The following CNTN4 variants were observed in gnomAD, a reference collection of about 807,000 sequenced individuals.
CNTN4 encodes the protein contactin-4.
A neutral mutation model predicts 122.5 loss-of-function variants in CNTN4; 77 were observed. That is an observed-to-expected ratio of 0.63 (90% CI 0.52 to 0.76). The LOEUF is 0.76. Among genes scored for constraint, CNTN4 ranks in the 30% least tolerant of loss-of-function variants. CNTN4 has a pLI of 0.00. For synonymous variants in CNTN4, 512 were observed against 447.0 expected (o/e 1.15, Z -1.83); for missense variants, 1,256 against 1,259.1 (o/e 1.00, Z 0.04).
At chr3:2,819,126 A>G (rs1331476097) in intron 6 of CNTN4, among the ~76,000 whole-genome samples, 10 of 152,246 alleles carry the variant, frequency 6.6e-5, no homozygotes, top group Admixed American at 6.5e-4. Flanking sequence ...ATGTCCTGGC[A>G]TGATGGAAGT....
intron 6 of CNTN4, among the ~76,000 whole-genome samples, chr3:2,780,710 C>G (rs1431767475): frequency 4.6e-5 from 7 of 152,112 alleles, no homozygotes; most frequent in Admixed American, 4.6e-4. Flanking sequence ...CTTGCTATTC[C>G]CCAGTACATA....
chr3:2,393,963 G>A (rs34581681), intron 3 of CNTN4, among the ~76,000 whole-genome samples: 18,099 of 151,988 alleles, frequency 0.12, 1,346 homozygotes, highest in Middle Eastern at 0.19. Context: ...TTAGTTGGGT[G>A]CAAAAGTAAT....
At chr3:2,147,034 C>A (rs113055912) in intron 2 of CNTN4, among the ~76,000 whole-genome samples, 117 of 152,178 alleles carry the variant, frequency 7.7e-4, no homozygotes, top group African/African-American at 2.7e-3. Context: ...GCACTCACCA[C>A]CATGCCCAGC....
At chr3:3,031,155 G>A (rs1473638194) in intron 16 of CNTN4, among the ~76,000 whole-genome samples, 180 bp downstream of exon 16, 2 of 152,150 alleles carry the variant, frequency 1.3e-5, no homozygotes, top group East Asian at 1.9e-4. Context: ...TCCTCAGTGC[G>A]GCTTGTCAGA....
In CNTN4 at chr3:2,841,305, A is replaced by G. The variant is rs974316978; in HGVS notation, c.454+21724A>G. Reference sequence around the variant, plus strand: ...AGTTTCCAATGTAGTTAGAGTTACTACAACCCTAACTGAAATTGCCTCATA... The same window carrying G: ...AGTTTCCAATGTAGTTAGAGTTACTGCAACCCTAACTGAAATTGCCTCATA... On this transcript the variant is annotated intron_variant, in intron 7 of 24. Coordinates refer to ENST00000418658, the MANE Select transcript of CNTN4 (RefSeq NM_175607.3). The surrounding 1 kb of genome is among the most constrained non-coding windows in gnomAD (Gnocchi z 4.8). 6.6e-6 allele frequency among the ~76,000 whole-genome samples: 1 copy of G among 152,216 alleles called. No individual in the cohort carries two copies. Among genetic ancestry groups the G allele is most frequent in the South Asian group, 2.1e-4 (1 of 4,828 alleles).
At chr3:2,251,274 A>C (rs1403745196) in intron 2 of CNTN4, among the ~76,000 whole-genome samples, 1 of 151,938 alleles carries the variant, frequency 6.6e-6, no homozygotes, top group Admixed American at 6.6e-5. Flanking sequence ...ATGCTAATGA[A>C]ATCCACTGAT....
chr3:2,889,240 G>C (rs6791159), intron 10 of CNTN4, among the ~76,000 whole-genome samples: 24,328 of 152,146 alleles, frequency 0.16, 2,379 homozygotes, highest in African/African-American at 0.27. Context: ...GCTTCTGAGG[G>C]GAGAGAACAC....
intron 2 of CNTN4, among the ~76,000 whole-genome samples, chr3:2,103,294 G>T (rs980589417): frequency 1.3e-5 from 2 of 150,756 alleles, no homozygotes; most frequent in South Asian, 4.2e-4. Context: ...AAATACTAAA[G>T]TAGAAAAAAA....
chr3:2,555,092 G>C (rs2078666077), intron 3 of CNTN4, among the ~76,000 whole-genome samples: 1 of 152,218 alleles, frequency 6.6e-6, no homozygotes, highest in Non-Finnish European at 1.5e-5. Flanking sequence ...TTGAGTATCT[G>C]TGATTCAGAA....
At chr3:2,860,139 G>A (rs1354908701) in intron 7 of CNTN4, among the ~76,000 whole-genome samples, 1 of 152,202 alleles carries the variant, frequency 6.6e-6, no homozygotes, top group Non-Finnish European at 1.5e-5. Context: ...ATGAGATTTA[G>A]TACTAGGCCT....
chr3:2,773,815 C>G lies in CNTN4; in HGVS notation c.358+28118C>G, dbSNP rs79038338. Among the ~76,000 whole-genome samples, 424 of 127,436 alleles carry G rather than the reference C, an allele frequency of 3.3e-3. 3 individuals are homozygous for G. Among genetic ancestry groups the G allele is most frequent in the African/African-American group, 0.012 (410 of 34,686 alleles). 83.6% of individuals were successfully genotyped at this position (127,436 alleles called of 152,430 possible). A position where few individuals can be genotyped will look rare whatever the true frequency, so the allele number is the denominator to read the frequency against. ...TCCCTCTGTCTCCCAGGCTGGAGTACAGTGGCATGATCTGGCTCACTGTAA... is the reference window on the plus strand; with the variant it reads ...TCCCTCTGTCTCCCAGGCTGGAGTAGAGTGGCATGATCTGGCTCACTGTAA... On this transcript the variant is annotated intron_variant, in intron 6 of 24. Transcript: ENST00000418658.
Position 2,730,429 on chromosome 3 carries a change from G to C in CNTN4, c.56-5786G>C, listed in dbSNP as rs528803035. 2.6e-5 allele frequency among the ~76,000 whole-genome samples: 4 copies of C among 152,024 alleles called. No homozygotes were observed. In the South Asian group the frequency reaches 8.3e-4, roughly 32 times the overall value. ...ACCTGTTTCAGCCGGGAGGTTTCTTGACACACTTTGAGAAATAATTATTTT... is the reference window on the plus strand; with the variant it reads ...ACCTGTTTCAGCCGGGAGGTTTCTTCACACACTTTGAGAAATAATTATTTT... On this transcript the variant is annotated intron_variant, in intron 4 of 24. Transcript: ENST00000418658.
intron 15 of CNTN4, among the ~76,000 whole-genome samples, chr3:3,026,843 G>T (rs73116694): frequency 0.085 from 12,892 of 152,006 alleles, 630 homozygotes; most frequent in Admixed American, 0.11. Flanking sequence ...TTTCCATAAC[G>T]GTATATTATC....
At chr3:2,708,514 G>GAGAT (rs2086882065) in intron 4 of CNTN4, among the ~76,000 whole-genome samples, 1 of 152,180 alleles carries the variant, frequency 6.6e-6, no homozygotes, top group African/African-American at 2.4e-5. Flanking sequence ...GAAGCTCTGG[G>GAGAT]AGATAAGCAA....
At chr3:2,743,165 C>A (rs1207494305) in intron 5 of CNTN4, among the ~76,000 whole-genome samples, 1 of 152,018 alleles carries the variant, frequency 6.6e-6, no homozygotes, top group Non-Finnish European at 1.5e-5. Flanking sequence ...TTGCAGCTCA[C>A]ATTATGTTGC....
chr3:2,271,259 G>C (rs1365972938), intron 2 of CNTN4, among the ~76,000 whole-genome samples: 1 of 152,072 alleles, frequency 6.6e-6, no homozygotes, highest in Non-Finnish European at 1.5e-5. Flanking sequence ...TTTTGTTATT[G>C]TTACTAGGAG....
At chr3:2,552,994 G>A (rs1474064642) in intron 3 of CNTN4, among the ~76,000 whole-genome samples, 1 of 152,110 alleles carries the variant, frequency 6.6e-6, no homozygotes, top group African/African-American at 2.4e-5. Flanking sequence ...GACCTCCTTG[G>A]CAAGTACACG....
chr3:2,459,685 CA>C (rs1043733064), intron 3 of CNTN4, among the ~76,000 whole-genome samples: 10 of 151,998 alleles, frequency 6.6e-5, no homozygotes, highest in African/African-American at 2.2e-4. Flanking sequence ...AAAGACAGCT[CA>C]AAGCTCTAGA....
intron 13 of CNTN4, among the ~76,000 whole-genome samples, chr3:2,961,219 G>A (rs1454526828): frequency 1.2e-4 from 7 of 59,348 alleles, no homozygotes; most frequent in Admixed American, 8.9e-4. Flanking sequence ...GACAGAACGA[G>A]ACTCCATCTC....
Sources: gnomAD v4.1 joint callset for allele counts (sites outside exome capture counted in the v4.1 genomes callset) on GRCh38, gnomAD v4.1.1 for gene constraint, Gnocchi (gnomAD v3.1) non-coding constraint, MANE v1.5 for transcripts, NCBI Gene and HGNC (gene_info 2026-07-23, HGNC 2026-07-21) for gene names.